RRM2: variants seen among roughly 807,000 people sequenced by gnomAD.
RRM2 encodes ribonucleotide reductase regulatory subunit M2.
A neutral mutation model predicts 45.9 loss-of-function variants in RRM2; 6 were observed. That is an observed-to-expected ratio of 0.13 (90% CI 0.07 to 0.26). The LOEUF (loss-of-function observed/expected upper bound fraction) is 0.26. Ranked by LOEUF, RRM2 falls within the 10% of genes least tolerant of loss-of-function variation. The probability of loss-of-function intolerance (pLI) is 1.00; values close to 1 mark genes in which losing one functional copy is unlikely to be tolerated. For missense variants in RRM2, 343 were observed against 489.5 expected (o/e 0.70, Z 2.82); for synonymous variants, 177 against 173.0 (o/e 1.02, Z -0.18).
At chr2:10,183,432 G>A (rs999034010) in intron 3 of RRM2, among the ~76,000 whole-genome samples, 2 of 152,242 alleles carry the variant, frequency 1.3e-5, no homozygotes, top group Non-Finnish European at 2.9e-5. Context: ...GTCAACAGTG[G>A]CAAGAGCCCT....
intron 3 of RRM2, among the ~76,000 whole-genome samples, chr2:10,150,771 G>GTTTTTTTT (rs61292654): frequency 2.3e-3 from 213 of 92,392 alleles, no homozygotes; most frequent in Middle Eastern, 7.6e-3. Flanking sequence ...AGTGTGTTGT[G>GTTTTTTTT]TTTTTTTTTT....
chr2:10,183,974 T>C (rs1664111436), intron 3 of RRM2, among the ~76,000 whole-genome samples: 1 of 150,200 alleles, frequency 6.7e-6, no homozygotes, highest in South Asian at 2.1e-4. Context: ...GCGCCTGTAG[T>C]CCCAGCTACT....
chr2:10,131,668 G>A (rs1662904347), downstream of RRM2, among the ~76,000 whole-genome samples: 1 of 152,186 alleles, frequency 6.6e-6, no homozygotes, highest in Admixed American at 6.5e-5. Flanking sequence ...GAACCCGGGA[G>A]GCAGAGGTTG....
chr2:10,174,744 G>T (rs1663877361), intron 3 of RRM2, among the ~76,000 whole-genome samples: 1 of 152,056 alleles, frequency 6.6e-6, no homozygotes, highest in Admixed American at 6.5e-5. Context: ...GCACATGCCT[G>T]TAATTTCAGG....
intron 3 of RRM2, among the ~76,000 whole-genome samples, chr2:10,162,220 T>C (rs2125319157): frequency 1.3e-5 from 2 of 152,324 alleles, no homozygotes; most frequent in Non-Finnish European, 2.9e-5. Flanking sequence ...ACAGCCGAGC[T>C]GCCAGGCCAG....
At position 10,123,429 on chromosome 2, in the gene RRM2, C is replaced by T; in HGVS notation, c.217C>T (p.Leu73=). ...CCCCGGCGTGGAGGATGAGCCGCTG[C>T]TGAGAGAAAACCCCCGCCGCTTTGT... The part of the protein sequence containing the change: ...AAPGVEDEPL[L]RENPRRFVIF... Residue 73 remains leucine (L), a synonymous_variant, in exon 3 of 10, where the codon CTG becomes TTG. Coordinates refer to ENST00000304567, the MANE Select transcript of RRM2 (RefSeq NM_001034.4). 6.2e-7 allele frequency: 1 copy of T among 1,614,152 alleles called. No individual in the cohort carries two copies. The highest frequency in any genetic ancestry group is 8.5e-7 in the Non-Finnish European group (1 of 1,180,016).
intron 3 of RRM2, among the ~76,000 whole-genome samples, chr2:10,202,628 G>T (rs1248145121): frequency 6.6e-6 from 1 of 152,166 alleles, no homozygotes; most frequent in Non-Finnish European, 1.5e-5. Context: ...GTTATCTCAG[G>T]TTGGCATGTT....
chr2:10,124,895 T>G, intron 5 of RRM2, 45 bp downstream of exon 5: 1 of 1,549,106 alleles, frequency 6.5e-7, no homozygotes. Context: ...ACTCACTAAT[T>G]GTTGATTTAT....
chr2:10,207,227 G>A (rs1664679890), intron 3 of RRM2, among the ~76,000 whole-genome samples: 1 of 152,028 alleles, frequency 6.6e-6, no homozygotes, highest in African/African-American at 2.4e-5. Context: ...GTCACCTCCA[G>A]TCCTGTCATC....
At chr2:10,148,665 T>A (rs6432067) in intron 3 of RRM2, among the ~76,000 whole-genome samples, 96,642 of 152,028 alleles carry the variant, frequency 0.64, 31,270 homozygotes, top group African/African-American at 0.7. Flanking sequence ...TTTATATTTT[T>A]AGTCTAGTTA....
At chr2:10,154,855 C>T (rs1020099603) in intron 3 of RRM2, among the ~76,000 whole-genome samples, 1 of 151,968 alleles carries the variant, frequency 6.6e-6, no homozygotes, top group African/African-American at 2.4e-5. Context: ...CGCCACCATG[C>T]CTGGCTAATT....
At position 10,142,073 on chromosome 2, in the gene RRM2, C is replaced by T. The variant is rs761068558; in HGVS notation, n.361+119C>T. Reference sequence around the variant, plus strand: ...AGCCAGAGGATGTGGGGATCGACCACGTGGTTAGGGGAGGAAAGCATGTTT... The same window carrying T: ...AGCCAGAGGATGTGGGGATCGACCATGTGGTTAGGGGAGGAAAGCATGTTT... On this transcript the variant is annotated intron_variant and non_coding_transcript_variant, in intron 2 of 3. Transcript: ENST00000381786. 1.8e-5 allele frequency: 28 copies of T among 1,593,578 alleles called. 1 individual carries two copies. In the South Asian group the frequency reaches 2.7e-4, roughly 15 times the overall value.
chr2:10,183,027 A>C (rs1664092969), intron 3 of RRM2, among the ~76,000 whole-genome samples: 1 of 152,088 alleles, frequency 6.6e-6, no homozygotes, highest in African/African-American at 2.4e-5. Context: ...AAAATTACAA[A>C]AATGAGCCAG....
At chr2:10,146,532 G>A (rs938647026) in intron 3 of RRM2, among the ~76,000 whole-genome samples, 1 of 152,244 alleles carries the variant, frequency 6.6e-6, no homozygotes, top group African/African-American at 2.4e-5. Flanking sequence ...GCCGTTGCAC[G>A]GACAGGTTGC....
intron 3 of RRM2, among the ~76,000 whole-genome samples, chr2:10,175,412 G>C (rs1663894732): frequency 6.6e-6 from 1 of 152,112 alleles, no homozygotes; most frequent in African/African-American, 2.4e-5. Flanking sequence ...CCATTTTTAA[G>C]TGTACAGTTC....
chr2:10,165,262 C>T (rs959595284), intron 3 of RRM2, among the ~76,000 whole-genome samples: 2 of 152,336 alleles, frequency 1.3e-5, no homozygotes, highest in African/African-American at 2.4e-5. Context: ...CTTTTGGTTA[C>T]CTTCATCGGA....
At chr2:10,190,590 G>A (rs111206552) in intron 3 of RRM2, among the ~76,000 whole-genome samples, 25,858 of 150,442 alleles carry the variant, frequency 0.17, 2,867 homozygotes, top group East Asian at 0.42. Flanking sequence ...CATGGTGATG[G>A]TGGTGATGTT....
intron 3 of RRM2, among the ~76,000 whole-genome samples, chr2:10,184,091 TAAAAAAAAAAAAAAAA>T (rs60421650): frequency 9.8e-5 from 3 of 30,686 alleles, no homozygotes; most frequent in East Asian, 1.3e-3. Flanking sequence ...AGACTCCATC[TAAAAAAAAAAAAAAAA>T]AAAAAAAAAA....
downstream of RRM2, among the ~76,000 whole-genome samples, chr2:10,134,082 G>A (rs933288125): frequency 2.7e-5 from 4 of 150,620 alleles, no homozygotes; most frequent in Non-Finnish European, 5.9e-5. Context: ...GGAGGCTGAG[G>A]CAGGAGAATC....
Sources: gnomAD v4.1 joint callset for allele counts (sites outside exome capture counted in the v4.1 genomes callset) on GRCh38, gnomAD v4.1.1 for gene constraint, MANE v1.5 for transcripts, NCBI Gene and HGNC (gene_info 2026-07-23, HGNC 2026-07-21) for gene names.